The following NAALADL2 variants were observed in gnomAD, a reference collection of about 807,000 sequenced individuals.
NAALADL2 encodes N-acetylated alpha-linked acidic dipeptidase like 2.
A neutral mutation model predicts 87.2 loss-of-function variants in NAALADL2; 76 were observed. The ratio of observed to expected loss-of-function variants is 0.87; its 90% confidence interval spans 0.72 to 1.05. The LOEUF (loss-of-function observed/expected upper bound fraction) is 1.05. Ranked by LOEUF, NAALADL2 falls within the 50% of genes least tolerant of loss-of-function variation. The probability of loss-of-function intolerance (pLI) is 0.00; values close to 1 mark genes in which losing one functional copy is unlikely to be tolerated. For missense variants in NAALADL2, 1,089 were observed against 945.8 expected (o/e 1.15, Z -1.99); for synonymous variants, 354 against 331.0 (o/e 1.07, Z -0.75).
intron 3 of NAALADL2, among the ~76,000 whole-genome samples, chr3:174,835,178 AC>A (rs1390292050): frequency 1.3e-5 from 2 of 152,092 alleles, no homozygotes; most frequent in African/African-American, 2.4e-5. Context: ...TTTAAAAATA[AC>A]TAGGGGAAAC....
intron 10 of NAALADL2, among the ~76,000 whole-genome samples, chr3:175,577,347 T>C (rs903929908): frequency 6.6e-5 from 10 of 152,194 alleles, no homozygotes; most frequent in African/African-American, 2.4e-4. Flanking sequence ...CAGTTATTAT[T>C]GTCTGATTGT....
chr3:175,056,699 T>C (rs2109051541), intron 1 of NAALADL2, among the ~76,000 whole-genome samples: 1 of 152,296 alleles, frequency 6.6e-6, no homozygotes, highest in Admixed American at 6.5e-5. Flanking sequence ...TTTCTATAGA[T>C]TATAGATTAA....
chr3:175,572,967 A>G (rs1718313236), intron 9 of NAALADL2, among the ~76,000 whole-genome samples: 2 of 152,208 alleles, frequency 1.3e-5, no homozygotes, highest in African/African-American at 4.8e-5. Flanking sequence ...AAAGGTGCAT[A>G]TGTAAGAAAC....
At chr3:175,011,270 GACAGAGAGAC>G (rs1749756572) in intron 1 of NAALADL2, among the ~76,000 whole-genome samples, 2 of 112,562 alleles carry the variant, frequency 1.8e-5, no homozygotes, top group Admixed American at 9.8e-5. Context: ...GAGGGAGAGA[GACAGAGAGAC>G]AGAGAGAGAG....
chr3:174,984,673 A>T (rs937676834), intron 1 of NAALADL2, among the ~76,000 whole-genome samples: 2 of 152,208 alleles, frequency 1.3e-5, no homozygotes, highest in African/African-American at 4.8e-5. Flanking sequence ...AAGAAATCAC[A>T]AATAAACTTT....
chr3:175,261,619 G>A (rs1223355747), intron 4 of NAALADL2, among the ~76,000 whole-genome samples: 6 of 151,806 alleles, frequency 4.0e-5, no homozygotes, highest in Non-Finnish European at 8.8e-5. Flanking sequence ...AGTACTTTCT[G>A]TAATATACTA....
At chr3:175,389,411 A>G (rs572099676) in intron 5 of NAALADL2, among the ~76,000 whole-genome samples, 1 of 152,280 alleles carries the variant, frequency 6.6e-6, no homozygotes, top group African/African-American at 2.4e-5. Context: ...TTCTGGCTTT[A>G]TAAGTTAAGT....
chr3:175,215,782 G>C (rs1351182455), intron 2 of NAALADL2, among the ~76,000 whole-genome samples: 1 of 152,156 alleles, frequency 6.6e-6, no homozygotes, highest in Non-Finnish European at 1.5e-5. Flanking sequence ...TTTTAAAACA[G>C]TCTGTCAATT....
intron 1 of NAALADL2, among the ~76,000 whole-genome samples, chr3:174,947,969 ACTG>A (rs1212195862): frequency 3.3e-5 from 5 of 152,216 alleles, no homozygotes; most frequent in African/African-American, 1.2e-4. Context: ...ATAGTTATGA[ACTG>A]CTATTTTTAA....
chr3:175,312,206 G>C (rs935677578), intron 4 of NAALADL2, among the ~76,000 whole-genome samples: 1 of 152,044 alleles, frequency 6.6e-6, no homozygotes. Flanking sequence ...TTGAGCTTCG[G>C]AAGTAAAAAT....
intron 2 of NAALADL2, among the ~76,000 whole-genome samples, chr3:175,160,557 G>C (rs960790273): frequency 5.9e-5 from 9 of 151,486 alleles, no homozygotes; most frequent in Non-Finnish European, 1.3e-4. Flanking sequence ...TCTCCATACT[G>C]GTCAGGCTGG....
intron 1 of NAALADL2, among the ~76,000 whole-genome samples, chr3:174,460,692 C>T (rs761646982): frequency 4.0e-4 from 61 of 151,440 alleles, no homozygotes; most frequent in Non-Finnish European, 2.2e-4. Flanking sequence ...ACTTTATAAA[C>T]GTAATTTTTT....
chr3:174,999,715 A>G (rs1747977492), intron 1 of NAALADL2, among the ~76,000 whole-genome samples: 1 of 152,194 alleles, frequency 6.6e-6, no homozygotes, highest in South Asian at 2.1e-4. Context: ...TAACTACTGA[A>G]AGTGCATATG....
chr3:175,631,607 T>C (rs1727776537), intron 11 of NAALADL2, among the ~76,000 whole-genome samples: 2 of 151,938 alleles, frequency 1.3e-5, no homozygotes, highest in Admixed American at 6.6e-5. Flanking sequence ...CAGTATAAAG[T>C]TGCTGAAGGG....
chr3:175,163,246 AC>A (rs1343429162), intron 2 of NAALADL2, among the ~76,000 whole-genome samples: 4 of 152,078 alleles, frequency 2.6e-5, no homozygotes, highest in Non-Finnish European at 1.5e-5. Context: ...TAAAAAGTTT[AC>A]CCTGACACAA....
intron 2 of NAALADL2, among the ~76,000 whole-genome samples, chr3:174,670,068 AT>A (rs1423040432): frequency 6.6e-6 from 1 of 151,974 alleles, no homozygotes; most frequent in Non-Finnish European, 1.5e-5. Flanking sequence ...AATGGAACTT[AT>A]TTTTGTGTGT....
At chr3:175,006,585 C>CT (rs922876080) in intron 1 of NAALADL2, among the ~76,000 whole-genome samples, 8 of 150,194 alleles carry the variant, frequency 5.3e-5, no homozygotes, top group Admixed American at 2.7e-4. Flanking sequence ...TTTCTTGTTT[C>CT]TTTTTTTTCT....
intron 2 of NAALADL2, among the ~76,000 whole-genome samples, chr3:175,165,854 C>T (rs1733918520): frequency 6.6e-6 from 1 of 151,806 alleles, no homozygotes; most frequent in Admixed American, 6.6e-5. Context: ...TCTTTACTGC[C>T]TCCCAGTGCC....
intron 2 of NAALADL2, among the ~76,000 whole-genome samples, chr3:174,730,863 C>A (rs1732638242): frequency 6.6e-6 from 1 of 151,940 alleles, no homozygotes; most frequent in South Asian, 2.1e-4. Context: ...TACATTACAG[C>A]CCTTTCATAT....
Sources: allele counts gnomAD v4.1 joint callset (sites outside exome capture counted in the v4.1 genomes callset), GRCh38; gene constraint gnomAD v4.1.1; transcripts MANE v1.5; gene names NCBI Gene and HGNC (gene_info 2026-07-23, HGNC 2026-07-21).